HSD17B2: variants seen among roughly 807,000 people sequenced by gnomAD.
The protein encoded by HSD17B2 is 17-beta-hydroxysteroid dehydrogenase type 2.
In HSD17B2, 32 loss-of-function variants were observed where a neutral mutation model predicts 26.9. That is an observed-to-expected ratio of 1.19 (90% CI 0.90 to 1.60). The LOEUF (loss-of-function observed/expected upper bound fraction) is 1.60, where lower values mean the gene tolerates loss of function less well. Ranked by LOEUF, HSD17B2 falls within the 40% of genes most tolerant of loss-of-function variation. HSD17B2 has a pLI of 0.00. For missense variants in HSD17B2, 613 were observed against 468.6 expected, an observed-to-expected ratio of 1.31 and a Z score of -2.85; for synonymous variants, 246 against 186.7, an observed-to-expected ratio of 1.32 and a Z score of -2.59.
At chr16:82,090,820 C>G in intron 3 of HSD17B2, 82 bp from the exon 4 acceptor site, 7 of 1,312,920 alleles carry the variant, frequency 5.3e-6, no homozygotes, top group Non-Finnish European at 6.2e-6. Flanking sequence ...TTCCTACATA[C>G]AGTAGACACT....
chr16:82,073,317 C>G (rs1030087023), intron 3 of HSD17B2, among the ~76,000 whole-genome samples: 1 of 151,722 alleles, frequency 6.6e-6, no homozygotes, highest in South Asian at 2.1e-4. Flanking sequence ...CTCCGCCTCC[C>G]GGGTTCACGC....
At chr16:82,078,455 T>C (rs563750797) in intron 3 of HSD17B2, among the ~76,000 whole-genome samples, 17 of 152,244 alleles carry the variant, frequency 1.1e-4, no homozygotes, top group African/African-American at 2.2e-4. Context: ...ATTAGTACAA[T>C]TGCTATGGAG....
At chr16:82,042,022 GCA>G (rs1474687897) in intron 1 of HSD17B2, among the ~76,000 whole-genome samples, 63 of 134,998 alleles carry the variant, frequency 4.7e-4, no homozygotes, top group African/African-American at 1.8e-3. Flanking sequence ...AATTTTTTAT[GCA>G]CAGAGTCTCG....
chr16:82,074,076 A>C (rs1458709175), intron 3 of HSD17B2, among the ~76,000 whole-genome samples: 1 of 152,154 alleles, frequency 6.6e-6, no homozygotes, highest in Non-Finnish European at 1.5e-5. Flanking sequence ...TCTTTGACAA[A>C]CCTGAAAAAA....
At chr16:82,090,756 ACCTG>A in intron 3 of HSD17B2, 142 bp from the exon 4 acceptor site, 1 of 707,356 alleles carries the variant, frequency 1.4e-6, no homozygotes, top group Non-Finnish European at 2.3e-6. Flanking sequence ...AACATTGCTC[ACCTG>A]GGCTCAGGGG....
chr16:82,041,993 TTTTC>T (rs1005719560), intron 1 of HSD17B2, among the ~76,000 whole-genome samples: 2 of 151,430 alleles, frequency 1.3e-5, no homozygotes, highest in African/African-American at 4.9e-5. Context: ...CTTTCTTTTC[TTTTC>T]TTTTTTTTTT....
chr16:82,044,378 G>C (rs1181668987), intron 1 of HSD17B2: 2 of 152,206 alleles, frequency 1.3e-5, no homozygotes, highest in Non-Finnish European at 2.9e-5. Flanking sequence ...TTGGAGCACG[G>C]GTCTTAGGCA....
chr16:82,089,664 G>T (rs978546526), intron 3 of HSD17B2, among the ~76,000 whole-genome samples: 7 of 152,174 alleles, frequency 4.6e-5, no homozygotes, highest in African/African-American at 1.4e-4. Flanking sequence ...CCTTCTCGAG[G>T]CTCTGGGAAA....
intron 3 of HSD17B2, among the ~76,000 whole-genome samples, chr16:82,078,043 G>A (rs924468952): frequency 1.3e-5 from 2 of 152,088 alleles, no homozygotes; most frequent in African/African-American, 4.8e-5. Context: ...ATCACATCAA[G>A]TTAAAAAGCT....
At chr16:82,041,474 G>T (rs1913764208) in intron 1 of HSD17B2, among the ~76,000 whole-genome samples, 2 of 152,176 alleles carry the variant, frequency 1.3e-5, no homozygotes, top group African/African-American at 4.8e-5. Flanking sequence ...GCTTGCCCTG[G>T]ACAAGGCTTT....
chr16:82,072,788 G>A (rs1045363473), intron 3 of HSD17B2, among the ~76,000 whole-genome samples: 1 of 152,178 alleles, frequency 6.6e-6, no homozygotes, highest in African/African-American at 2.4e-5. Flanking sequence ...AGGTGCGGTG[G>A]CTCAAGGATG....
At chr16:82,053,218 A>C (rs893773551) in intron 1 of HSD17B2, among the ~76,000 whole-genome samples, 1 of 152,216 alleles carries the variant, frequency 6.6e-6, no homozygotes, top group Non-Finnish European at 1.5e-5. Context: ...AGAAGTCAAC[A>C]GAAGGAGCCC....
rs774094927 is a variant in HSD17B2, at chr16:82,068,398, C to A, written c.478+16C>A. On this transcript the variant is annotated intron_variant, in intron 2 of 4. Transcript: ENST00000199936. ...CAGGACAGAGGTACTGCCGCCAGCA[C>A]CCTCAGTGCCTTTACCCTCCTCCTG... 1 of 1,594,884 alleles carries A rather than the reference C, an allele frequency of 6.3e-7. No individual in the cohort carries two copies. Among genetic ancestry groups the A allele is most frequent in the Admixed American group, 1.7e-5 (1 of 58,122 alleles).
At chr16:82,086,694 T>C (rs1403102589) in intron 3 of HSD17B2, among the ~76,000 whole-genome samples, 5 of 152,234 alleles carry the variant, frequency 3.3e-5, no homozygotes, top group African/African-American at 9.6e-5. Flanking sequence ...CATAGTTCTG[T>C]ACATTATTGA....
intron 1 of HSD17B2, among the ~76,000 whole-genome samples, chr16:82,046,169 G>A (rs1044966033): frequency 1.3e-5 from 2 of 152,144 alleles, no homozygotes; most frequent in African/African-American, 2.4e-5. Flanking sequence ...ATGCACGCTC[G>A]AGATACAGTG....
At chr16:82,085,394 T>A (rs1406240623) in intron 3 of HSD17B2, among the ~76,000 whole-genome samples, 1 of 152,204 alleles carries the variant, frequency 6.6e-6, no homozygotes, top group Non-Finnish European at 1.5e-5. Flanking sequence ...GTCAATTCAT[T>A]CTAACATCCA....
At chr16:82,092,152 G>C (rs2955152) in intron 4 of HSD17B2, 147,813 of 152,330 alleles carry the variant, frequency 0.97, 71,804 homozygotes, top group Middle Eastern at 1. Context: ...TGAGCAGATA[G>C]TCAGAGTAAC....
intron 2 of HSD17B2, 26 bp downstream of exon 2, chr16:82,068,408 C>A (rs1914623535): frequency 6.4e-7 from 1 of 1,569,030 alleles, no homozygotes; most frequent in Non-Finnish European, 8.7e-7. Context: ...CCCTCAGTGC[C>A]TTTACCCTCC....
At chr16:82,049,088 A>G (rs1049165470) in intron 1 of HSD17B2, among the ~76,000 whole-genome samples, 4 of 152,128 alleles carry the variant, frequency 2.6e-5, no homozygotes, top group African/African-American at 7.2e-5. Context: ...TGACCCTTTC[A>G]TATTCTTTAT....
Sources: allele counts gnomAD v4.1 joint callset (sites outside exome capture counted in the v4.1 genomes callset), GRCh38; gene constraint gnomAD v4.1.1; transcripts MANE v1.5; gene names NCBI Gene and HGNC (gene_info 2026-07-23, HGNC 2026-07-21).